Variants in SMURF1 observed in about 807,000 individuals in gnomAD.
SMURF1 encodes SMAD specific E3 ubiquitin protein ligase 1, also known as E3 ubiquitin-protein ligase SMURF1.
Under a neutral mutation model 98.0 loss-of-function variants are expected in SMURF1, and 44 were observed. The ratio of observed to expected loss-of-function variants is 0.45; its 90% CI spans 0.35 to 0.58. The LOEUF is 0.58. Ranked by LOEUF, SMURF1 falls within the 20% of genes least tolerant of loss-of-function variation. The probability of loss-of-function intolerance (pLI) is 0.00; values close to 1 mark genes in which losing one functional copy is unlikely to be tolerated. For missense variants in SMURF1, 687 were observed against 938.4 expected (o/e 0.73, Z 3.50); for synonymous variants, 396 against 374.9 (o/e 1.06, Z -0.65).
Position 99,143,850 on chromosome 7 carries a change from C to G in SMURF1, c.-70G>C. ...CCCAGCCCGGCCCGGCCCGGCCCCG[C>G]CGCCGCCGCCTCAAGGTTACGGCTC... is the stretch of plus-strand genomic sequence containing the variant. On this transcript the variant is annotated 5_prime_UTR_variant, in exon 1 of 18. Coordinates refer to ENST00000361368, the MANE Select transcript of SMURF1 (RefSeq NM_181349.3). The G allele has an allele frequency of 7.2e-7, 1 of 1,384,932 alleles. No homozygotes were observed. The allele number at this position is 1,384,932 out of a possible 1,614,324, so 85.8% of individuals were successfully genotyped here. A position where few individuals can be genotyped will look rare whatever the true frequency, so the allele number is the denominator to read the frequency against.
intron 11 of SMURF1, among the ~76,000 whole-genome samples, chr7:99,043,269 A>G (rs1317873279): frequency 6.6e-6 from 1 of 152,230 alleles, no homozygotes; most frequent in African/African-American, 2.4e-5. Context: ...TCAGGACTAA[A>G]TACTGGGGAG....
At chr7:99,037,430 G>A (rs1036695474) in intron 14 of SMURF1, among the ~76,000 whole-genome samples, 1 of 152,248 alleles carries the variant, frequency 6.6e-6, no homozygotes, top group Admixed American at 6.5e-5. Context: ...TGGAGATGGG[G>A]TTTCACCATG....
chr7:99,042,633 C>T lies in SMURF1; in HGVS notation c.1257-401G>A, dbSNP rs796964794. Among the ~76,000 whole-genome samples, 3 of 152,092 alleles carry T rather than the reference C, an allele frequency of 2.0e-5. No individual in the cohort carries two copies. The East Asian group carries it at 5.8e-4, about 29-fold the overall frequency. ...GCATCATTTTATTATTTTAAAAACC[C>T]CAAAGTTAAAAACAGTCAAGCCAAA... is the stretch of plus-strand genomic sequence containing the variant. On this transcript the variant is annotated intron_variant, in intron 11 of 17. Transcript: ENST00000361368.
intron 1 of SMURF1, among the ~76,000 whole-genome samples, chr7:99,080,264 G>C (rs898946845): frequency 2.6e-5 from 4 of 152,158 alleles, no homozygotes; most frequent in Non-Finnish European, 5.9e-5. Flanking sequence ...TTTACCCAAA[G>C]AAACAAAGCA....
At chr7:99,065,280 G>C (rs953070594) in intron 1 of SMURF1, among the ~76,000 whole-genome samples, 3 of 151,990 alleles carry the variant, frequency 2.0e-5, no homozygotes, top group Non-Finnish European at 4.4e-5. Flanking sequence ...TAGAAACGGG[G>C]TCTCAGTATG....
chr7:99,076,104 C>T (rs749665907), intron 1 of SMURF1, among the ~76,000 whole-genome samples: 5 of 152,084 alleles, frequency 3.3e-5, no homozygotes, highest in Non-Finnish European at 5.9e-5. Context: ...TGGGGTCTCG[C>T]AATGTTGCCC....
rs1273030170 is a variant in SMURF1 at position 99,038,371 on chromosome 7, C to G, written c.1688+17G>C. ...CCGCGCCCCAGGCACCTGGCCGTCC[C>G]CGACAGGTGGCATTACCGGACGTAT... On this transcript the variant is annotated intron_variant, in intron 14 of 17. Transcript: ENST00000361368. 2 of 1,612,894 alleles carry G rather than the reference C, an allele frequency of 1.2e-6. No individual in the cohort carries two copies. The highest frequency in any genetic ancestry group is 1.7e-6 in the Non-Finnish European group (2 of 1,179,630).
intron 13 of SMURF1, among the ~76,000 whole-genome samples, chr7:99,039,752 C>T (rs572912476): frequency 1.3e-5 from 2 of 152,336 alleles, no homozygotes; most frequent in South Asian, 4.1e-4. Context: ...GGAGCCCCGA[C>T]TCCGACTCAC....
chr7:99,143,846 CCCGCCG>C lies in SMURF1; in HGVS notation c.-72_-67del. 1.4e-6 allele frequency: 2 copies of C among 1,396,144 alleles called. No individual in the cohort carries two copies. The highest frequency in any genetic ancestry group is 1.4e-5 in the South Asian group (1 of 71,866). The allele number at this position is 1,396,144 out of a possible 1,614,324, so 86.5% of individuals were successfully genotyped here. A position where few individuals can be genotyped will look rare whatever the true frequency, so the allele number is the denominator to read the frequency against. ...GCCCCCCAGCCCGGCCCGGCCCGGC[CCCGCCG>C]CCGCCGCCTCAAGGTTACGGCTCCG... On this transcript the variant is annotated 5_prime_UTR_variant, in exon 1 of 18. Coordinates refer to ENST00000361368, the MANE Select transcript of SMURF1 (RefSeq NM_181349.3).
Position 99,057,530 on chromosome 7 carries a change from C to T in SMURF1, c.225G>A (p.Ser75=), listed in dbSNP as rs569051417. The part of the protein sequence containing the change: ...HYDLYVGKTD[S]ITISVWNHKK... ...TATGGTTCCACACGCTAATGGTTAT[C>T]GAATCCGTTTTCCCAACATATCTGG... The change falls in exon 4 of 18, where the codon TCG becomes TCA. Residue 75 remains serine (S), a synonymous_variant. Transcript: ENST00000361368. The T allele has an allele frequency of 3.2e-6, 5 of 1,543,888 alleles. No individual in the cohort carries two copies. Among genetic ancestry groups the T allele is most frequent in the African/African-American group, 1.4e-5 (1 of 70,938 alleles).
intron 1 of SMURF1, among the ~76,000 whole-genome samples, chr7:99,102,185 G>A (rs1362210169): frequency 6.6e-6 from 1 of 151,812 alleles, no homozygotes; most frequent in Non-Finnish European, 1.5e-5. Flanking sequence ...TAGTAACATG[G>A]AATTTTTATA....
At chr7:99,103,079 A>C (rs1413899474) in intron 1 of SMURF1, among the ~76,000 whole-genome samples, 1 of 152,068 alleles carries the variant, frequency 6.6e-6, no homozygotes, top group Non-Finnish European at 1.5e-5. Context: ...CTGAGATTAC[A>C]CGTATGAGCC....
chr7:99,032,446 A>G (rs1206538755), intron 17 of SMURF1, among the ~76,000 whole-genome samples: 1 of 152,248 alleles, frequency 6.6e-6, no homozygotes, highest in Non-Finnish European at 1.5e-5. Flanking sequence ...AGGTGGGCAG[A>G]TCACCTGAGG....
rs148110047 is a variant in SMURF1 at position 99,107,812 on chromosome 7, G to A, written c.55+35914C>T. Among the ~76,000 whole-genome samples the A allele has an allele frequency of 2.7e-3, 409 of 152,248 alleles. 3 individuals are homozygous for A. Among genetic ancestry groups the A allele is most frequent in the South Asian group, 5.0e-3 (24 of 4,822 alleles). On this transcript the variant is annotated intron_variant, in intron 1 of 17. Coordinates refer to ENST00000361368, the MANE Select transcript of SMURF1 (RefSeq NM_181349.3). ...TCTTAATGCAACCTCACACGTGATC[G>A]ATCTTTTGACCATTAGTAACACCAC... is the stretch of plus-strand genomic sequence containing the variant.
At chr7:99,092,891 A>T (rs1796847550) in intron 1 of SMURF1, among the ~76,000 whole-genome samples, 1 of 152,192 alleles carries the variant, frequency 6.6e-6, no homozygotes, top group Non-Finnish European at 1.5e-5. Context: ...TTCCTCTGGG[A>T]ACGATGGTTC....
In SMURF1 at chr7:99,033,069, C is replaced by G. The variant is rs765505807; in HGVS notation, c.2064G>C (p.Ala688=). Residue 688 remains alanine (A), a synonymous_variant, in exon 17 of 18, where the codon GCG becomes GCC. Coordinates refer to ENST00000361368, the MANE Select transcript of SMURF1 (RefSeq NM_181349.3). ...PRLFTIHLID[A]NTDNLPKAHT... ...GGGCCTTCGGAAGGTTGTCTGTGTT[C>G]GCGTCTATCAGGTGGATGGTGAACA... 2 of 1,592,966 alleles carry G rather than the reference C, an allele frequency of 1.3e-6. No individual in the cohort carries two copies. Among genetic ancestry groups the G allele is most frequent in the Non-Finnish European group, 1.7e-6 (2 of 1,169,160 alleles).
At chr7:99,114,461 C>A (rs1293102476) in intron 1 of SMURF1, among the ~76,000 whole-genome samples, 1 of 151,852 alleles carries the variant, frequency 6.6e-6, no homozygotes, top group East Asian at 1.9e-4. Flanking sequence ...CAAGAAGATA[C>A]AACAATTATA....
chr7:99,063,241 T>G lies in SMURF1; in HGVS notation c.56-1404A>C, dbSNP rs7794901. 1.7e-4 allele frequency among the ~76,000 whole-genome samples: 6 copies of G among 34,906 alleles called. 1 individual carries two copies. The highest frequency in any genetic ancestry group is 3.7e-4 in the African/African-American group (3 of 8,064). The allele number at this position is 34,906 out of a possible 152,430, so 22.9% of individuals were successfully genotyped here. A position where few individuals can be genotyped will look rare whatever the true frequency, so the allele number is the denominator to read the frequency against. On this transcript the variant is annotated intron_variant, in intron 1 of 17. Coordinates refer to ENST00000361368, the MANE Select transcript of SMURF1 (RefSeq NM_181349.3). The stretch of plus-strand genomic sequence containing the variant: ...ATATATATATATATATAAGATTTAT[T>G]TATATATATATATATATATATATAT...
At chr7:99,046,552 AC>A (rs572805433) in intron 10 of SMURF1, among the ~76,000 whole-genome samples, 1 of 151,012 alleles carries the variant, frequency 6.6e-6, no homozygotes, top group East Asian at 1.9e-4. Context: ...ACATGGTGAA[AC>A]CCCCCCATCT....
Sources: allele counts gnomAD v4.1 joint callset (sites outside exome capture counted in the v4.1 genomes callset), GRCh38; gene constraint gnomAD v4.1.1; transcripts MANE v1.5; gene names NCBI Gene and HGNC (gene_info 2026-07-23, HGNC 2026-07-21).